The following CYP4B1 variants were observed in gnomAD, a reference collection of about 807,000 sequenced individuals.
CYP4B1 encodes cytochrome P450 4B1.
Under a neutral mutation model 54.0 loss-of-function variants are expected in CYP4B1, and 45 were observed. The ratio of observed to expected loss-of-function variants is 0.83; its 90% CI spans 0.66 to 1.07. The LOEUF (loss-of-function observed/expected upper bound fraction) is 1.07, where lower values mean the gene tolerates loss of function less well. Among genes scored for constraint, CYP4B1 ranks in the 50% least tolerant of loss-of-function variants. The probability of loss-of-function intolerance (pLI) is 0.00; values close to 1 mark genes in which losing one functional copy is unlikely to be tolerated. For missense variants in CYP4B1, 656 were observed against 655.4 expected (o/e 1.00, Z -0.01); for synonymous variants, 248 against 247.5 (o/e 1.00, Z -0.02).
chr1:46,812,860 C>T (rs1385325847), intron 4 of CYP4B1, among the ~76,000 whole-genome samples: 1 of 152,174 alleles, frequency 6.6e-6, no homozygotes, highest in Admixed American at 6.5e-5. Context: ...TCCTTGTCTC[C>T]ACCAGGAGAC....
chr1:46,817,152 C>G lies in CYP4B1; in HGVS notation c.1178C>G (p.Thr393Ser). 6.2e-7 allele frequency: 1 copy of G among 1,614,210 alleles called. No homozygotes were observed. Among genetic ancestry groups the G allele is most frequent in the Non-Finnish European group, 8.5e-7 (1 of 1,180,018 alleles). ...TACCGCCAGCTCAGCAAGCCTGTCA[C>G]CTTTGTGGATGGCCGGTCTCTACCT... is the stretch of plus-strand genomic sequence containing the variant. ...QVYRQLSKPV[T>S]FVDGRSLPAG... is the part of the protein sequence containing the mutation. Residue 393 changes from threonine (T) to serine (S), a missense_variant, in exon 9 of 12, where the codon ACC (threonine) becomes AGC (serine). Transcript: ENST00000371923.
chr1:46,817,102 C>T lies in CYP4B1; in HGVS notation c.1128C>T (p.Arg376=), dbSNP rs368294212. The T allele has an allele frequency of 5.0e-6, 8 of 1,614,068 alleles. No homozygotes were observed. In the African/African-American group the frequency reaches 6.7e-5, roughly 13 times the overall value. The change falls in exon 9 of 12, where the codon CGC becomes CGT. Residue 376 remains arginine (R), a synonymous_variant. Transcript: ENST00000371923. ...YLTMCIKESF[R]LYPPVPQVYR... ...CCATGTGCATCAAGGAGAGCTTCCG[C>T]CTCTACCCACCTGTGCCCCAGGTGT...
At chr1:46,811,953 A>C (rs1679116614) in intron 3 of CYP4B1, among the ~76,000 whole-genome samples, 2 of 152,140 alleles carry the variant, frequency 1.3e-5, no homozygotes, top group African/African-American at 2.4e-5. Flanking sequence ...TGGGAGGATA[A>C]AATTAGAAGG....
chr1:46,802,928 G>T (rs998310058), intron 1 of CYP4B1, among the ~76,000 whole-genome samples: 2 of 152,166 alleles, frequency 1.3e-5, no homozygotes, highest in Non-Finnish European at 2.9e-5. Context: ...TGCTCTCTGT[G>T]CAAAAAGGCA....
At position 46,815,217 on chromosome 1, in the gene CYP4B1, T is replaced by C. The variant is rs1391684113; in HGVS notation, c.1026T>C (p.Cys342=). ...TGTACCCTGAGCACCAGCATCGTTG[T>C]AGAGAGGAGGTCCGCGAGATCCTAG... ...MALYPEHQHR[C]REEVREILGD... The change falls in exon 8 of 12, where the codon TGT becomes TGC. Residue 342 remains cysteine (C), a synonymous_variant. Coordinates refer to ENST00000371923, the MANE Select transcript of CYP4B1 (RefSeq NM_001099772.2). 4.4e-6 allele frequency: 7 copies of C among 1,598,022 alleles called. No individual in the cohort carries two copies. In the Middle Eastern group the frequency reaches 8.4e-4, roughly 191 times the overall value.
rs772227415 is a variant in CYP4B1, at chr1:46,818,825, A to G, written c.*11A>G. 2 of 1,613,698 alleles carry G rather than the reference A, an allele frequency of 1.2e-6. No individual in the cohort carries two copies. Among genetic ancestry groups the G allele is most frequent in the Admixed American group, 1.7e-5 (1 of 60,006 alleles). On this transcript the variant is annotated 3_prime_UTR_variant, in exon 12 of 12. Coordinates refer to ENST00000371923, the MANE Select transcript of CYP4B1 (RefSeq NM_001099772.2). ...GGGTCTGGGAAGTAGCTCTGATGAG[A>G]ATGGGGTCCCAGATGGCTCAGGCTG...
chr1:46,807,328 T>G (rs758759388), intron 1 of CYP4B1, among the ~76,000 whole-genome samples: 1 of 152,114 alleles, frequency 6.6e-6, no homozygotes, highest in Non-Finnish European at 1.5e-5. Flanking sequence ...GGGGCTTGGA[T>G]GAACCAGATC....
chr1:46,817,072 T>C lies in CYP4B1; in HGVS notation c.1098T>C (p.Tyr366=). 1 of 1,614,130 alleles carries C rather than the reference T, an allele frequency of 6.2e-7. No individual in the cohort carries two copies. The highest frequency in any genetic ancestry group is 8.5e-7 in the Non-Finnish European group (1 of 1,179,992). The change falls in exon 9 of 12, where the codon TAT becomes TAC. Residue 366 remains tyrosine (Y), a synonymous_variant. Coordinates refer to ENST00000371923, the MANE Select transcript of CYP4B1 (RefSeq NM_001099772.2). ...GGGATGATCTGGGCAAAATGACTTA[T>C]CTGACCATGTGCATCAAGGAGAGCT... The part of the protein sequence containing the change: ...FQWDDLGKMT[Y]LTMCIKESFR...
At chr1:46,814,159 T>TTGTTCCCTG (rs1427160452) in intron 6 of CYP4B1, 50 bp from the exon 7 acceptor site, 9 of 1,611,882 alleles carry the variant, frequency 5.6e-6, no homozygotes, top group Non-Finnish European at 7.6e-6. Flanking sequence ...AGTTCCCCTT[T>TTGTTCCCTG]GGACAAAAGA....
At chr1:46,799,973 C>A (rs1000057154) in intron 1 of CYP4B1, among the ~76,000 whole-genome samples, 2 of 152,178 alleles carry the variant, frequency 1.3e-5, no homozygotes, top group Non-Finnish European at 2.9e-5. Flanking sequence ...CTGGGAGGAG[C>A]AAATTCCTGG....
chr1:46,818,869 C>T lies in CYP4B1; in HGVS notation c.*55C>T. 1 of 1,571,586 alleles carries T rather than the reference C, an allele frequency of 6.4e-7. No individual in the cohort carries two copies. The highest frequency in any genetic ancestry group is 8.7e-7 in the Non-Finnish European group (1 of 1,148,460). On this transcript the variant is annotated 3_prime_UTR_variant, in exon 12 of 12. Transcript: ENST00000371923. Reference sequence around the variant, plus strand: ...CAGGCTGTGACCTCCCTGGGCACCACCCTCCCCAGGCTGGGTGTGGAGGAG... The same window carrying T: ...CAGGCTGTGACCTCCCTGGGCACCATCCTCCCCAGGCTGGGTGTGGAGGAG...
At chr1:46,811,508 G>A (rs1679099259) in intron 3 of CYP4B1, among the ~76,000 whole-genome samples, 1 of 152,174 alleles carries the variant, frequency 6.6e-6, no homozygotes, top group African/African-American at 2.4e-5. Flanking sequence ...TGCTGGCCAG[G>A]GCAAGGGCCT....
chr1:46,811,088 C>A, intron 2 of CYP4B1, 52 bp from the exon 3 acceptor site: 1 of 1,609,384 alleles, frequency 6.2e-7, no homozygotes, highest in East Asian at 2.2e-5. Context: ...CATAAATGAG[C>A]CTCCTCTAGG....
Position 46,800,241 on chromosome 1 carries a change from CCTTCCT to C in CYP4B1, c.180+981_180+986del, listed in dbSNP as rs1678583657. 3.4e-4 allele frequency among the ~76,000 whole-genome samples: 12 copies of C among 34,802 alleles called. 2 individuals are homozygous for C. The highest frequency in any genetic ancestry group is 1.0e-3 in the African/African-American group (12 of 11,544). The allele number at this position is 34,802 out of a possible 152,430, so 22.8% of individuals were successfully genotyped here. A position where few individuals can be genotyped will look rare whatever the true frequency, so the allele number is the denominator to read the frequency against. On this transcript the variant is annotated intron_variant, in intron 1 of 11. Transcript: ENST00000371923. ...TCTTTCTCTCTTTCTTTCTTTCTTT[CCTTCCT>C]TCCTTCCTTCCTTCCTTCCTTCCTT... is the stretch of plus-strand genomic sequence containing the variant.
intron 3 of CYP4B1, chr1:46,812,270 G>A (rs1679133743): frequency 3.0e-6 from 2 of 674,918 alleles, no homozygotes; most frequent in Non-Finnish European, 5.4e-6. Flanking sequence ...TACAGAAACT[G>A]AGTTATCCTG....
In CYP4B1 at chr1:46,802,124, G is replaced by A. The variant is rs4646478; in HGVS notation, c.180+2863G>A. 5.8e-3 allele frequency among the ~76,000 whole-genome samples: 879 copies of A among 152,236 alleles called. 40 individuals carry two copies. In the East Asian group the frequency reaches 0.092, roughly 16 times the overall value. ...CCAGGGAGGACTTTGCACATAGTAGGTGCTCAGCTATATTGTTGGCCTGAG... is the reference window on the plus strand; with the variant it reads ...CCAGGGAGGACTTTGCACATAGTAGATGCTCAGCTATATTGTTGGCCTGAG... On this transcript the variant is annotated intron_variant, in intron 1 of 11. Coordinates refer to ENST00000371923, the MANE Select transcript of CYP4B1 (RefSeq NM_001099772.2).
intron 8 of CYP4B1, among the ~76,000 whole-genome samples, chr1:46,816,107 C>A (rs1355043033): frequency 1.3e-5 from 2 of 152,282 alleles, no homozygotes; most frequent in East Asian, 1.9e-4. Flanking sequence ...AGAATCCCCC[C>A]CCCACGGGGT....
chr1:46,809,087 T>C (rs1678982521), intron 1 of CYP4B1, among the ~76,000 whole-genome samples: 1 of 150,274 alleles, frequency 6.7e-6, no homozygotes, highest in African/African-American at 2.5e-5. Context: ...ACCTGCACAA[T>C]GTGCACATGT....
At chr1:46,817,218 C>T in intron 9 of CYP4B1, 37 bp downstream of exon 9, 2 of 1,612,856 alleles carry the variant, frequency 1.2e-6, no homozygotes, top group Middle Eastern at 1.7e-4. Context: ...AAAGGAGTCC[C>T]TGCATGCTCC....
Sources: allele counts gnomAD v4.1 joint callset (sites outside exome capture counted in the v4.1 genomes callset), GRCh38; gene constraint gnomAD v4.1.1; transcripts MANE v1.5; gene names NCBI Gene and HGNC (gene_info 2026-07-23, HGNC 2026-07-21).